The following CPNE4 variants were observed in gnomAD, a reference collection of about 807,000 sequenced individuals.
CPNE4 encodes copine-4.
A neutral mutation model predicts 67.9 loss-of-function variants in CPNE4; 25 were observed. That is an observed-to-expected ratio of 0.37 (90% CI 0.27 to 0.51). The LOEUF (loss-of-function observed/expected upper bound fraction) is 0.51, where lower values mean the gene tolerates loss of function less well. Ranked by LOEUF, CPNE4 falls within the 20% of genes least tolerant of loss-of-function variation. CPNE4 has a pLI of 0.93. For missense variants in CPNE4, 464 were observed against 690.8 expected (o/e 0.67, Z 3.68); for synonymous variants, 242 against 244.9 (o/e 0.99, Z 0.11).
chr3:131,552,240 G>A (rs377365930), intron 13 of CPNE4, among the ~76,000 whole-genome samples, 200 bp downstream of exon 13: 49 of 151,954 alleles, frequency 3.2e-4, no homozygotes, highest in Non-Finnish European at 6.2e-4. Context: ...TCTGCATTCT[G>A]TCTTTTCCAG....
At chr3:131,851,665 A>C (rs2086246715) in intron 2 of CPNE4, among the ~76,000 whole-genome samples, 1 of 152,102 alleles carries the variant, frequency 6.6e-6, no homozygotes, top group Non-Finnish European at 1.5e-5. Context: ...AATAACCAGC[A>C]TTAAACAGTC....
At chr3:131,899,015 T>A (rs1560563529) in intron 2 of CPNE4, among the ~76,000 whole-genome samples, 1 of 151,896 alleles carries the variant, frequency 6.6e-6, no homozygotes, top group Admixed American at 6.6e-5. Flanking sequence ...CATCCAAACC[T>A]TGCAAGTCAA....
intron 3 of CPNE4, among the ~76,000 whole-genome samples, chr3:131,716,930 A>G (rs764763403): frequency 6.6e-6 from 1 of 152,190 alleles, no homozygotes; most frequent in Non-Finnish European, 1.5e-5. Flanking sequence ...TCAGACTCTG[A>G]CCCTGCCCTG....
At chr3:131,940,901 A>C (rs1225028) in intron 1 of CPNE4, among the ~76,000 whole-genome samples, 63,896 of 151,862 alleles carry the variant, frequency 0.42, 14,928 homozygotes, top group Admixed American at 0.58. Context: ...TGAATATTCA[A>C]AACAGTGCAT....
At chr3:131,729,192 T>C (rs1360115280) in intron 2 of CPNE4, among the ~76,000 whole-genome samples, 3 of 152,136 alleles carry the variant, frequency 2.0e-5, no homozygotes, top group South Asian at 2.1e-4. Flanking sequence ...AAGAATGACA[T>C]CATAGGCCAG....
chr3:132,001,774 C>T (rs538267284), intron 1 of CPNE4, among the ~76,000 whole-genome samples: 30 of 152,112 alleles, frequency 2.0e-4, no homozygotes, highest in Admixed American at 4.6e-4. Flanking sequence ...GGAGAATATC[C>T]GGAGACTAAA....
chr3:131,951,682 C>G (rs1347618039), intron 1 of CPNE4, among the ~76,000 whole-genome samples: 1 of 152,202 alleles, frequency 6.6e-6, no homozygotes, highest in Non-Finnish European at 1.5e-5. Flanking sequence ...CCTGCCTCAG[C>G]CTGCCGAGTG....
intron 7 of CPNE4, among the ~76,000 whole-genome samples, chr3:131,657,919 A>C (rs1455251142): frequency 1.3e-5 from 2 of 151,656 alleles, no homozygotes; most frequent in African/African-American, 4.9e-5. Flanking sequence ...GATGTTCCAG[A>C]CTCTTGAGTC....
At chr3:131,950,852 C>T (rs984821626) in intron 1 of CPNE4, among the ~76,000 whole-genome samples, 1 of 152,180 alleles carries the variant, frequency 6.6e-6, no homozygotes, top group South Asian at 2.1e-4. Flanking sequence ...TTTTTAACAT[C>T]CATGAATCCG....
intron 7 of CPNE4, among the ~76,000 whole-genome samples, chr3:131,645,577 C>T (rs989764): frequency 0.15 from 22,754 of 152,046 alleles, 2,126 homozygotes; most frequent in African/African-American, 0.26. Context: ...TTAACTATAA[C>T]CATATAAATT....
At chr3:131,941,297 T>A (rs1289272984) in intron 1 of CPNE4, among the ~76,000 whole-genome samples, 6 of 152,082 alleles carry the variant, frequency 3.9e-5, no homozygotes, top group African/African-American at 1.4e-4. Flanking sequence ...CATTTTACTA[T>A]TATCTATGCT....
rs551391963 is a variant in CPNE4 at position 131,951,382 on chromosome 3, T to C, written c.-1-45938A>G. Among the ~76,000 whole-genome samples the C allele has an allele frequency of 1.1e-4, 17 of 152,358 alleles. 1 individual carries two copies. The East Asian group carries it at 2.3e-3, about 21-fold the overall frequency. On this transcript the variant is annotated intron_variant, in intron 1 of 15. Transcript: ENST00000429747. ...TGAACTCCTTTGTTATTTTTAATAA[T>C]GTTTGTGGGTTCTGTTGGGGTTTTT...
chr3:131,781,177 T>C (rs1026748370), intron 2 of CPNE4, among the ~76,000 whole-genome samples: 14 of 152,084 alleles, frequency 9.2e-5, no homozygotes, highest in African/African-American at 3.4e-4. Context: ...CTAACTTTGG[T>C]CCCACTCTAC....
intron 2 of CPNE4, among the ~76,000 whole-genome samples, chr3:131,831,571 C>A (rs2085369703): frequency 6.6e-6 from 1 of 152,072 alleles, no homozygotes; most frequent in Admixed American, 6.6e-5. Flanking sequence ...AGTCTGAAGT[C>A]TTTCTCTTCT....
intron 1 of CPNE4, among the ~76,000 whole-genome samples, chr3:131,929,240 A>T (rs996758979): frequency 6.6e-6 from 1 of 151,962 alleles, no homozygotes; most frequent in African/African-American, 2.4e-5. Context: ...CCTGTGTTAG[A>T]AAACACCAAT....
At chr3:131,842,245 G>A (rs2085814888) in intron 2 of CPNE4, among the ~76,000 whole-genome samples, 1 of 152,254 alleles carries the variant, frequency 6.6e-6, no homozygotes, top group African/African-American at 2.4e-5. Flanking sequence ...GGGCCAATAA[G>A]CTGAAAGAAA....
chr3:131,585,849 C>A (rs571181903), intron 8 of CPNE4, among the ~76,000 whole-genome samples: 1 of 152,116 alleles, frequency 6.6e-6, no homozygotes, highest in Non-Finnish European at 1.5e-5. Context: ...CTCTGAAACT[C>A]TGCATCCTGG....
intron 7 of CPNE4, among the ~76,000 whole-genome samples, chr3:131,662,075 A>G (rs1413475314): frequency 6.6e-6 from 1 of 151,760 alleles, no homozygotes; most frequent in Non-Finnish European, 1.5e-5. Flanking sequence ...GGTTTGCTAG[A>G]AAAAAATCAG....
intron 3 of CPNE4, among the ~76,000 whole-genome samples, chr3:131,704,105 A>T (rs948915641): frequency 6.6e-6 from 1 of 152,002 alleles, no homozygotes; most frequent in Non-Finnish European, 1.5e-5. Flanking sequence ...TGTTTTGCAA[A>T]CTCCTAGTAC....
Sources: allele counts gnomAD v4.1 joint callset (sites outside exome capture counted in the v4.1 genomes callset), GRCh38; gene constraint gnomAD v4.1.1; transcripts MANE v1.5; gene names NCBI Gene and HGNC (gene_info 2026-07-23, HGNC 2026-07-21).